Variants in ECM2 observed in about 807,000 individuals in gnomAD.
ECM2 encodes extracellular matrix protein 2, also known as extracellular matrix protein 2, female organ and adipocyte specific.
ECM2 carries 57 observed loss-of-function variants against 67.5 expected under a neutral mutation model. The observed-to-expected ratio is 0.84, with a 90% CI of 0.68 to 1.05. The LOEUF (loss-of-function observed/expected upper bound fraction) is 1.05, where lower values mean the gene tolerates loss of function less well. Ranked by LOEUF, ECM2 falls within the 50% of genes least tolerant of loss-of-function variation. The pLI is 0.00. For missense variants in ECM2, 741 were observed against 822.8 expected, an observed-to-expected ratio of 0.90 and a Z score of 1.22; for synonymous variants, 258 against 294.5, an observed-to-expected ratio of 0.88 and a Z score of 1.27.
chr9:92,544,696 AT>A, the ECM2 span, among the ~76,000 whole-genome samples: 2 of 149,852 alleles, frequency 1.3e-5, no homozygotes, highest in East Asian at 3.9e-4. Context: ...GACCAGAGAA[AT>A]TGTTATCACT....
At chr9:92,555,929 G>T in the ECM2 span, among the ~76,000 whole-genome samples, 31 of 151,836 alleles carry the variant, frequency 2.0e-4, no homozygotes, top group African/African-American at 6.8e-4. Context: ...CCTTTCTTCT[G>T]CTGGGTCTGT....
the ECM2 span, among the ~76,000 whole-genome samples, chr9:92,555,481 A>T: frequency 6.6e-6 from 1 of 151,594 alleles, no homozygotes; most frequent in African/African-American, 2.4e-5. Context: ...CACCCGTCTC[A>T]GCCTCCCAAA....
chr9:92,553,267 T>C, the ECM2 span, among the ~76,000 whole-genome samples: 1 of 152,260 alleles, frequency 6.6e-6, no homozygotes, highest in African/African-American at 2.4e-5. Flanking sequence ...TCCATTGGTC[T>C]ATATGCCTAT....
intron 1 of ECM2, among the ~76,000 whole-genome samples, chr9:92,533,163 G>A (rs1334465051): frequency 1.3e-5 from 2 of 150,574 alleles, no homozygotes; most frequent in African/African-American, 4.9e-5. Flanking sequence ...AGCTGGGTGT[G>A]GTGGCACGCG....
chr9:92,494,218 T>C (rs1846252744), downstream of ECM2: 1 of 1,501,280 alleles, frequency 6.7e-7, no homozygotes. Flanking sequence ...CATCCCAAGA[T>C]GCTAGTTCTG....
the ECM2 span, among the ~76,000 whole-genome samples, chr9:92,546,758 A>G: frequency 6.6e-6 from 1 of 152,234 alleles, no homozygotes; most frequent in Non-Finnish European, 1.5e-5. Flanking sequence ...ATTTTATGCT[A>G]GTAAATTGAT....
At chr9:92,545,298 T>C in the ECM2 span, among the ~76,000 whole-genome samples, 54 of 151,794 alleles carry the variant, frequency 3.6e-4, no homozygotes, top group Non-Finnish European at 6.3e-4. Context: ...GAACCAGGGC[T>C]GCGTGTGGCA....
chr9:92,551,652 T>G, the ECM2 span, among the ~76,000 whole-genome samples: 1 of 152,108 alleles, frequency 6.6e-6, no homozygotes, highest in East Asian at 1.9e-4. Flanking sequence ...CCCTATTTGT[T>G]GTCTTTTATC....
At chr9:92,499,812 A>G (rs188579330) in intron 9 of ECM2, among the ~76,000 whole-genome samples, 106 of 152,356 alleles carry the variant, frequency 7.0e-4, no homozygotes, top group African/African-American at 2.4e-3. Flanking sequence ...CATAATTCTC[A>G]GGGACAGAAC....
downstream of ECM2, chr9:92,494,161 C>A: frequency 1.9e-6 from 3 of 1,596,564 alleles, no homozygotes; most frequent in South Asian, 3.3e-5. Context: ...TGAATAAAGT[C>A]AGAGTAAGAA....
At chr9:92,557,613 T>C in the ECM2 span, among the ~76,000 whole-genome samples, 1 of 152,130 alleles carries the variant, frequency 6.6e-6, no homozygotes, top group Non-Finnish European at 1.5e-5. Flanking sequence ...TCAGTTCTAT[T>C]GCTGAGACTT....
intron 7 of ECM2, among the ~76,000 whole-genome samples, chr9:92,504,886 C>A (rs1846905023): frequency 6.6e-6 from 1 of 152,140 alleles, no homozygotes; most frequent in Admixed American, 6.5e-5. Flanking sequence ...CATTCATCAG[C>A]CAAAGACCCC....
the ECM2 span, among the ~76,000 whole-genome samples, chr9:92,548,960 G>A: frequency 6.6e-5 from 10 of 152,168 alleles, no homozygotes; most frequent in African/African-American, 2.4e-4. Flanking sequence ...GAAGAACAAG[G>A]CTATAAGACT....
the ECM2 span, among the ~76,000 whole-genome samples, chr9:92,544,712 A>ATTTTTTTTTTTT: frequency 7.6e-6 from 1 of 132,422 alleles, no homozygotes; most frequent in Non-Finnish European, 1.6e-5. Context: ...ATCACTATAA[A>ATTTTTTTTTTTT]TTTTTTTTTT....
chr9:92,518,730 A>C (rs942913650), intron 2 of ECM2, among the ~76,000 whole-genome samples: 3 of 152,064 alleles, frequency 2.0e-5, no homozygotes, highest in Admixed American at 2.0e-4. Flanking sequence ...CTCCTCTAAA[A>C]ATACAAAAAT....
At chr9:92,537,487 C>A (rs1849211463), upstream of ECM2, among the ~76,000 whole-genome samples, 1 of 151,960 alleles carries the variant, frequency 6.6e-6, no homozygotes, top group South Asian at 2.1e-4. Context: ...ATGTGAAACC[C>A]CGTCTCTACT....
chr9:92,552,764 G>A, the ECM2 span, among the ~76,000 whole-genome samples: 1 of 152,090 alleles, frequency 6.6e-6, no homozygotes, highest in Non-Finnish European at 1.5e-5. Flanking sequence ...TGTATAGATT[G>A]TGAGGATTTT....
chr9:92,521,943 A>G (rs1319716455), intron 2 of ECM2, among the ~76,000 whole-genome samples: 1 of 152,252 alleles, frequency 6.6e-6, no homozygotes, highest in African/African-American at 2.4e-5. Context: ...ATATATGCAT[A>G]GTAAACATAC....
At chr9:92,526,864 C>G (rs904228351) in intron 1 of ECM2, among the ~76,000 whole-genome samples, 2 of 152,134 alleles carry the variant, frequency 1.3e-5, no homozygotes, top group African/African-American at 2.4e-5. Flanking sequence ...CCTAGGCCTT[C>G]ACACTCACTC....
Sources: gnomAD v4.1 joint callset for allele counts (sites outside exome capture counted in the v4.1 genomes callset) on GRCh38, gnomAD v4.1.1 for gene constraint, MANE v1.5 for transcripts, NCBI Gene and HGNC (gene_info 2026-07-23, HGNC 2026-07-21) for gene names.